DDB1: variants seen among roughly 807,000 people sequenced by gnomAD.
The protein encoded by DDB1 is DNA damage-binding protein 1.
In DDB1, 18 loss-of-function variants were observed where a neutral mutation model predicts 133.1. The ratio of observed to expected loss-of-function variants is 0.14; its 90% CI spans 0.09 to 0.20. The LOEUF is 0.20. DDB1 is among the 10% of genes least tolerant of loss of function. The probability of loss-of-function intolerance (pLI) is 1.00; values close to 1 mark genes in which losing one functional copy is unlikely to be tolerated. For missense variants in DDB1, 828 were observed against 1,459.2 expected (o/e 0.57, Z 7.05); for synonymous variants, 580 against 550.5 (o/e 1.05, Z -0.75).
At chr11:61,314,602 C>T in intron 12 of DDB1, 116 bp from the exon 13 acceptor site, 9 of 1,050,896 alleles carry the variant, frequency 8.6e-6, no homozygotes, top group Non-Finnish European at 1.2e-5. Context: ...CATGAGGCTT[C>T]TATTTCTTAT....
intron 5 of DDB1, 64 bp downstream of exon 5, chr11:61,326,715 C>T (rs1215670226): frequency 9.0e-6 from 12 of 1,340,200 alleles, no homozygotes; most frequent in African/African-American, 2.9e-5. Context: ...GGTGAGGGAG[C>T]GAACAAGAAC....
chr11:61,310,101 C>A, intron 19 of DDB1, 141 bp from the exon 20 acceptor site: 7 of 1,379,132 alleles, frequency 5.1e-6, no homozygotes, highest in Non-Finnish European at 6.1e-6. Context: ...GATTATCCAT[C>A]CCCCACCAGC....
In DDB1 at chr11:61,302,798, A is replaced by G. The variant is rs775394175; in HGVS notation, c.2943-47T>C. On this transcript the variant is annotated intron_variant, in intron 23 of 26. Transcript: ENST00000301764. Reference sequence around the variant, plus strand: ...ACTTTCTGAACCTCCTGTTTCCACCACAGGCCCTGAGACAGGACCACGTGC... The same window carrying G: ...ACTTTCTGAACCTCCTGTTTCCACCGCAGGCCCTGAGACAGGACCACGTGC... 9 of 1,610,984 alleles carry G rather than the reference A, an allele frequency of 5.6e-6. No individual in the cohort carries two copies. In the East Asian group the frequency reaches 2.0e-4, roughly 36 times the overall value.
chr11:61,301,683 T>G (rs1417591241), intron 25 of DDB1: 2 of 152,162 alleles, frequency 1.3e-5, no homozygotes, highest in Non-Finnish European at 1.5e-5. Context: ...AAAAAACCAA[T>G]AAACCAGCCC....
At chr11:61,303,022 C>G in intron 23 of DDB1, 24 bp downstream of exon 23, 1 of 1,603,932 alleles carries the variant, frequency 6.2e-7, no homozygotes, top group Non-Finnish European at 8.5e-7. Flanking sequence ...CTCCCCACCA[C>G]TCCCAGAGCT....
rs1855824996 is a variant in DDB1, at chr11:61,302,926, A to G, written c.2942+120T>C. The G allele has an allele frequency of 4.7e-6, 6 of 1,283,408 alleles. No individual in the cohort carries two copies. The Admixed American group carries it at 7.9e-5, about 17-fold the overall frequency. The allele number at this position is 1,283,408 out of a possible 1,614,324, so 79.5% of individuals were successfully genotyped here. Reference sequence around the variant, plus strand: ...TGTCACCTTTTATTCTCTGACGAGGAAAGTTCTATCTCTGTAAACAGGAGC... The same window carrying G: ...TGTCACCTTTTATTCTCTGACGAGGGAAGTTCTATCTCTGTAAACAGGAGC... On this transcript the variant is annotated intron_variant, in intron 23 of 26. Coordinates refer to ENST00000301764, the MANE Select transcript of DDB1 (RefSeq NM_001923.5).
At chr11:61,307,031 A>G (rs1855891900) in intron 21 of DDB1, among the ~76,000 whole-genome samples, 1 of 151,978 alleles carries the variant, frequency 6.6e-6, no homozygotes, top group Non-Finnish European at 1.5e-5. Context: ...GACACAGCCA[A>G]AAGGGCATTT....
intron 4 of DDB1, among the ~76,000 whole-genome samples, chr11:61,328,859 G>A (rs1006792455): frequency 2.0e-5 from 3 of 152,016 alleles, no homozygotes; most frequent in African/African-American, 4.8e-5. Flanking sequence ...AACAGAGTGA[G>A]ACTCTGTCTC....
In DDB1 at chr11:61,300,226, T is replaced by A. The variant is rs949608746; in HGVS notation, c.3340-7A>T. On this transcript the variant is annotated splice_region_variant and splice_polypyrimidine_tract_variant and intron_variant, in intron 26 of 26. Coordinates refer to ENST00000301764, the MANE Select transcript of DDB1 (RefSeq NM_001923.5). ...TACCGCTGCCATCGTCATACTGCAA[T>A]GAGAAGATGGGCGGGGCTGTGAGGA... The A allele has an allele frequency of 6.2e-7, 1 of 1,613,540 alleles. No homozygotes were observed. The highest frequency in any genetic ancestry group is 8.5e-7 in the Non-Finnish European group (1 of 1,179,782).
Position 61,313,691 on chromosome 11 carries a change from C to T in DDB1, c.1877G>A (p.Arg626His), listed in dbSNP as rs767530118. Residue 626 changes from arginine (R) to histidine (H), a missense_variant, in exon 16 of 27, where the codon CGT becomes CAT. Physicochemically the swap from Arg to His is conservative, Grantham distance 29 (BLOSUM62 0). Transcript: ENST00000301764. ...LNIETGLLSDRKKVTLGTQPT... is the reference protein window; with the variant it reads ...LNIETGLLSDHKKVTLGTQPT... The stretch of plus-strand genomic sequence containing the variant: ...CTGGGTGCCCAAAGTCACCTTCTTA[C>T]GGTCGCTCAACAGACCTACAGAGAG... 12 of 1,611,566 alleles carry T rather than the reference C, an allele frequency of 7.4e-6. No homozygotes were observed. Among genetic ancestry groups the T allele is most frequent in the East Asian group, 4.5e-5 (2 of 44,874 alleles).
chr11:61,314,291 CA>C lies in DDB1; in HGVS notation c.1589+16del, dbSNP rs991446155. Reference sequence around the variant, plus strand: ...AGAAAAGAGGAGGAAAGCGAGCAGACAGAAAAACACACACACCTGATCTGCC... The same window carrying C: ...AGAAAAGAGGAGGAAAGCGAGCAGACGAAAAACACACACACCTGATCTGCC... On this transcript the variant is annotated intron_variant, in intron 13 of 26. Transcript: ENST00000301764. 1.9e-6 allele frequency: 3 copies of C among 1,600,016 alleles called. No individual in the cohort carries two copies. Among genetic ancestry groups the C allele is most frequent in the Admixed American group, 3.5e-5 (2 of 57,190 alleles).
intron 1 of DDB1, chr11:61,331,928 G>A: frequency 2.1e-6 from 1 of 486,288 alleles, no homozygotes; most frequent in Non-Finnish European, 3.7e-6. Context: ...GGACCTAAGA[G>A]CCGTGTGTCC....
At chr11:61,303,236 T>C (rs1325816392) in intron 22 of DDB1, 81 bp from the exon 23 acceptor site, 31 of 1,326,702 alleles carry the variant, frequency 2.3e-5, no homozygotes, top group Non-Finnish European at 2.9e-5. Flanking sequence ...GTTTCCTTTA[T>C]TCAGGAGCAA....
rs181130924 is a variant in DDB1 at position 61,325,558 on chromosome 11, G to C, written c.762+53C>G. ...TAAATAAGAGAAAGGGAGGAGCAAG[G>C]TGAGGACAAGGAAAGAAAAGATGAA... On this transcript the variant is annotated intron_variant, in intron 6 of 26. Coordinates refer to ENST00000301764, the MANE Select transcript of DDB1 (RefSeq NM_001923.5). 14 of 1,457,382 alleles carry C rather than the reference G, an allele frequency of 9.6e-6. No homozygotes were observed. The Admixed American group carries it at 1.6e-4, about 17-fold the overall frequency. The allele number at this position is 1,457,382 out of a possible 1,614,324, so 90.3% of individuals were successfully genotyped here.
At chr11:61,303,282 A>G (rs1193726583) in intron 22 of DDB1, 127 bp from the exon 23 acceptor site, 1 of 822,052 alleles carries the variant, frequency 1.2e-6, no homozygotes, top group Non-Finnish European at 2.0e-6. Context: ...ATGGTGTTCA[A>G]CAAGTGTCAC....
intron 4 of DDB1, 69 bp downstream of exon 4, chr11:61,329,294 C>A (rs769981504): frequency 1.4e-6 from 2 of 1,414,588 alleles, no homozygotes; most frequent in Non-Finnish European, 2.0e-6. Context: ...CCCAGACATG[C>A]CAGTTAGCAA....
At chr11:61,303,224 G>C (rs1367470135) in intron 22 of DDB1, 69 bp from the exon 23 acceptor site, 2 of 1,441,576 alleles carry the variant, frequency 1.4e-6, no homozygotes, top group East Asian at 2.3e-5. Context: ...TCTGGGACTT[G>C]TGTTTCCTTT....
rs757285412 is a variant in DDB1, at chr11:61,304,876, T to TA, written c.2662-842dup. On this transcript the variant is annotated intron_variant, in intron 21 of 26. Transcript: ENST00000301764. ...CTGGGGGACAGAGTGAGACTCCGCCTAAAAAAAAAAAAAAAGGAAAAAAAA... is the reference window on the plus strand; with the variant it reads ...CTGGGGGACAGAGTGAGACTCCGCCTAAAAAAAAAAAAAAAAGGAAAAAAAA... 4.0e-3 allele frequency among the ~76,000 whole-genome samples: 436 copies of TA among 109,528 alleles called. 3 individuals carry two copies. The highest frequency in any genetic ancestry group is 0.011 in the African/African-American group (322 of 29,036). 71.9% of individuals were successfully genotyped at this position (109,528 alleles called of 152,430 possible).
chr11:61,328,508 G>T (rs1856306895), intron 4 of DDB1, among the ~76,000 whole-genome samples: 1 of 152,204 alleles, frequency 6.6e-6, no homozygotes, highest in African/African-American at 2.4e-5. Context: ...CCGCTTAACA[G>T]ATCTGGACCA....
Sources: gnomAD v4.1 joint callset for allele counts (sites outside exome capture counted in the v4.1 genomes callset) on GRCh38, gnomAD v4.1.1 for gene constraint, MANE v1.5 for transcripts, NCBI Gene and HGNC (gene_info 2026-07-23, HGNC 2026-07-21) for gene names.